C1orf141: variants seen among roughly 807,000 people sequenced by gnomAD.
C1orf141 encodes uncharacterized protein C1orf141.
C1orf141 carries 19 observed loss-of-function variants against 23.2 expected under a neutral mutation model. The ratio of observed to expected loss-of-function variants is 0.82; its 90% CI spans 0.57 to 1.20. The LOEUF is 1.20. Ranked by LOEUF, C1orf141 falls within the 50% of genes most tolerant of loss-of-function variation. The pLI, the probability that C1orf141 is intolerant of heterozygous loss-of-function variation, is 0.00. For synonymous variants in C1orf141, 153 were observed against 154.6 expected, an observed-to-expected ratio of 0.99 and a Z score of 0.08; for missense variants, 469 against 455.1, an observed-to-expected ratio of 1.03 and a Z score of -0.28.
intron 5 of C1orf141, among the ~76,000 whole-genome samples, chr1:67,106,462 C>A (rs1005343818): frequency 6.6e-6 from 1 of 151,960 alleles, no homozygotes; most frequent in African/African-American, 2.4e-5. Flanking sequence ...GCCTGGCCAA[C>A]ATGGTGAAAC....
At chr1:67,134,602 C>G (rs753546804) in intron 1 of C1orf141, among the ~76,000 whole-genome samples, 2 of 152,140 alleles carry the variant, frequency 1.3e-5, no homozygotes, top group Non-Finnish European at 2.9e-5. Flanking sequence ...ATAGGAAGCC[C>G]GACTCAAACG....
upstream of C1orf141, among the ~76,000 whole-genome samples, chr1:67,135,906 C>CAAAAAAAA (rs59519661): frequency 0.013 from 826 of 62,520 alleles, 79 homozygotes; most frequent in Admixed American, 0.015. Flanking sequence ...GGCAAAACTG[C>CAAAAAAAA]AAAAAAAAAA....
At chr1:67,111,232 G>A (rs1262989131) in intron 5 of C1orf141, among the ~76,000 whole-genome samples, 1 of 151,942 alleles carries the variant, frequency 6.6e-6, no homozygotes, top group Admixed American at 6.6e-5. Context: ...CACATTAAAA[G>A]ATTAACAAAT....
intron 4 of C1orf141, among the ~76,000 whole-genome samples, chr1:67,118,724 T>A (rs1646244960): frequency 6.6e-6 from 1 of 152,186 alleles, no homozygotes; most frequent in African/African-American, 2.4e-5. Context: ...AAAGGATTTG[T>A]GTTCTTCTAA....
intron 2 of C1orf141, among the ~76,000 whole-genome samples, chr1:67,128,165 C>T (rs1646452085): frequency 6.6e-6 from 1 of 152,064 alleles, no homozygotes; most frequent in Non-Finnish European, 1.5e-5. Context: ...ATTAATATTG[C>T]TAACCGTCTC....
chr1:67,093,772 A>G (rs1471664626), intron 7 of C1orf141, 168 bp from the exon 8 acceptor site: 11 of 455,788 alleles, frequency 2.4e-5, no homozygotes, highest in Non-Finnish European at 3.8e-5. Flanking sequence ...CTGTACTTGT[A>G]TGTAACATAC....
intron 5 of C1orf141, chr1:67,111,724 T>A (rs941960814): frequency 1.9e-6 from 1 of 536,016 alleles, no homozygotes; most frequent in Non-Finnish European, 3.2e-6. Context: ...TCCACTGCAG[T>A]AAACTTTTAA....
chr1:67,109,123 C>T (rs894458984), intron 5 of C1orf141, among the ~76,000 whole-genome samples: 2 of 151,906 alleles, frequency 1.3e-5, no homozygotes, highest in African/African-American at 4.8e-5. Context: ...GTCGGGAGAT[C>T]GAGACCATCC....
chr1:67,109,823 A>G (rs1646026417), intron 5 of C1orf141, among the ~76,000 whole-genome samples: 1 of 152,218 alleles, frequency 6.6e-6, no homozygotes, highest in African/African-American at 2.4e-5. Flanking sequence ...AAGAAAAAAG[A>G]AAGGCCATTA....
In C1orf141 at chr1:67,097,094, C is replaced by T. The variant is rs568268244; in HGVS notation, c.347-773G>A. ...CAAGTAAACAAGGGGCATGGTGGTG[C>T]GCCCCTGTAATCCCAGCTACTCAGG... On this transcript the variant is annotated intron_variant, in intron 5 of 7. Coordinates refer to ENST00000684719, the MANE Select transcript of C1orf141 (RefSeq NM_001276351.2). Among the ~76,000 whole-genome samples the T allele has an allele frequency of 5.9e-5, 9 of 152,060 alleles. No individual in the cohort carries two copies. The South Asian group carries it at 6.2e-4, about 11-fold the overall frequency.
intron 1 of C1orf141, among the ~76,000 whole-genome samples, chr1:67,140,735 A>C (rs1011032386): frequency 6.6e-6 from 1 of 152,172 alleles, no homozygotes; most frequent in African/African-American, 2.4e-5. Context: ...TTTATTTAAT[A>C]TTTTTTATAA....
intron 1 of C1orf141, among the ~76,000 whole-genome samples, chr1:67,141,076 C>T (rs944161125): frequency 2.6e-5 from 4 of 151,842 alleles, no homozygotes; most frequent in Admixed American, 2.0e-4. Flanking sequence ...TGAAGAAATA[C>T]GTAATAACAT....
chr1:67,140,831 G>A (rs1300247535), intron 1 of C1orf141, among the ~76,000 whole-genome samples: 1 of 152,002 alleles, frequency 6.6e-6, no homozygotes, highest in African/African-American at 2.4e-5. Context: ...GTCAACAATT[G>A]CATTTTCACA....
upstream of C1orf141, among the ~76,000 whole-genome samples, chr1:67,137,637 C>T (rs758730548): frequency 6.6e-6 from 1 of 152,200 alleles, no homozygotes; most frequent in Non-Finnish European, 1.5e-5. Context: ...CCTCCCCATC[C>T]TAAATCACAT....
chr1:67,095,202 T>G, intron 7 of C1orf141, 33 bp downstream of exon 7: 2 of 1,251,346 alleles, frequency 1.6e-6, no homozygotes, highest in African/African-American at 1.5e-5. Flanking sequence ...TGACTACACA[T>G]ATTTACTTAA....
At chr1:67,095,645 T>C in intron 6 of C1orf141, 1 of 386,776 alleles carries the variant, frequency 2.6e-6, no homozygotes. Flanking sequence ...CTCTTTGGAT[T>C]TTGAGTGGGG....
At chr1:67,133,778 C>A (rs115009271) in intron 1 of C1orf141, among the ~76,000 whole-genome samples, 4,038 of 152,212 alleles carry the variant, frequency 0.027, 65 homozygotes, top group East Asian at 0.074. Context: ...CCACCCCAAG[C>A]CAAGGAGCGA....
intron 5 of C1orf141, among the ~76,000 whole-genome samples, chr1:67,115,119 A>G (rs1646167829): frequency 6.7e-6 from 1 of 150,058 alleles, no homozygotes; most frequent in Admixed American, 6.6e-5. Context: ...GAAGAAAACA[A>G]CACATAACAC....
chr1:67,116,662 G>T lies in C1orf141; in HGVS notation c.234-1198C>A, dbSNP rs116699519. Among the ~76,000 whole-genome samples the T allele has an allele frequency of 5.3e-3, 806 of 152,124 alleles. 9 individuals are homozygous for T. Among genetic ancestry groups the T allele is most frequent in the African/African-American group, 0.019 (781 of 41,476 alleles). Reference sequence around the variant, plus strand: ...AGAATTTCCACTGAATGCCACTCCAGGCCTCTCTCTGCATACCCCTTCACC... The same window carrying T: ...AGAATTTCCACTGAATGCCACTCCATGCCTCTCTCTGCATACCCCTTCACC... On this transcript the variant is annotated intron_variant, in intron 4 of 7. Coordinates refer to ENST00000684719, the MANE Select transcript of C1orf141 (RefSeq NM_001276351.2).
Sources: allele counts gnomAD v4.1 joint callset (sites outside exome capture counted in the v4.1 genomes callset), GRCh38; gene constraint gnomAD v4.1.1; transcripts MANE v1.5; gene names NCBI Gene and HGNC (gene_info 2026-07-23, HGNC 2026-07-21).